ZNF407: variants seen among roughly 807,000 people sequenced by gnomAD.
ZNF407 encodes zinc finger protein 407.
Under a neutral mutation model 131.2 loss-of-function variants are expected in ZNF407, and 17 were observed. That is an observed-to-expected ratio of 0.13 (90% CI 0.09 to 0.19). ZNF407 has a LOEUF of 0.19. Ranked by LOEUF, ZNF407 falls within the 10% of genes least tolerant of loss-of-function variation. ZNF407 has a pLI of 1.00. For synonymous variants in ZNF407, 1,156 were observed against 1,062.0 expected (o/e 1.09, Z -1.72); for missense variants, 2,681 against 2,830.6 (o/e 0.95, Z 1.20).
intron 8 of ZNF407, among the ~76,000 whole-genome samples, chr18:75,000,222 G>A (rs769549293): frequency 2.0e-5 from 3 of 152,192 alleles, no homozygotes; most frequent in Admixed American, 6.5e-5. Flanking sequence ...TTTACTGGAT[G>A]CTCATTTGTA....
intron 4 of ZNF407, among the ~76,000 whole-genome samples, chr18:74,788,733 G>C (rs967637462): frequency 6.7e-6 from 1 of 149,752 alleles, no homozygotes; most frequent in African/African-American, 2.4e-5. Flanking sequence ...GTTTCTTATT[G>C]CTTCTAAGAT....
At chr18:74,650,271 T>G (rs1196654526) in intron 3 of ZNF407, among the ~76,000 whole-genome samples, 1 of 152,206 alleles carries the variant, frequency 6.6e-6, no homozygotes, top group Non-Finnish European at 1.5e-5. Context: ...TTTCAGCTAG[T>G]ATCTGATGGA....
At chr18:74,950,517 A>C (rs879305664) in intron 8 of ZNF407, among the ~76,000 whole-genome samples, 4 of 152,192 alleles carry the variant, frequency 2.6e-5, no homozygotes, top group Non-Finnish European at 2.9e-5. Context: ...TGAGGTAGAA[A>C]GAAAGTGTTG....
intron 7 of ZNF407, 79 bp downstream of exon 7, chr18:74,890,117 T>G: frequency 7.4e-7 from 1 of 1,342,348 alleles, no homozygotes; most frequent in South Asian, 2.2e-5. Context: ...CAATTAGAAG[T>G]GTAGTTTTTC....
chr18:74,720,927 C>CTTTTTTTT (rs34746909), intron 3 of ZNF407, among the ~76,000 whole-genome samples: 1 of 143,612 alleles, frequency 7.0e-6, no homozygotes. Context: ...ATACCTTCAG[C>CTTTTTTTT]TTTTTTTTTT....
At chr18:75,050,330 AAAC>A (rs1430464021) in intron 8 of ZNF407, among the ~76,000 whole-genome samples, 1 of 152,230 alleles carries the variant, frequency 6.6e-6, no homozygotes, top group Non-Finnish European at 1.5e-5. Context: ...TTGATTAAGA[AAAC>A]AAGATTTAAT....
At chr18:74,803,210 A>G (rs1263242279) in intron 4 of ZNF407, among the ~76,000 whole-genome samples, 1 of 152,178 alleles carries the variant, frequency 6.6e-6, no homozygotes, top group Admixed American at 6.5e-5. Flanking sequence ...AACTGGAGTG[A>G]GGGGAAGACC....
intron 1 of ZNF407, among the ~76,000 whole-genome samples, chr18:74,600,197 G>A (rs1982520494): frequency 6.6e-6 from 1 of 152,204 alleles, no homozygotes; most frequent in Middle Eastern, 3.2e-3. Context: ...AAGCAGAAAA[G>A]GAATTTATTG....
chr18:74,751,061 A>T (rs1394827860), intron 3 of ZNF407, among the ~76,000 whole-genome samples: 1 of 151,942 alleles, frequency 6.6e-6, no homozygotes, highest in Non-Finnish European at 1.5e-5. Context: ...TGAAATTTTT[A>T]TTCTGGATAT....
chr18:74,813,663 A>G (rs926759350), intron 4 of ZNF407, among the ~76,000 whole-genome samples: 5 of 152,024 alleles, frequency 3.3e-5, no homozygotes, highest in Admixed American at 1.3e-4. Flanking sequence ...ACCAAGTAAC[A>G]TGGGGGAGGA....
chr18:74,602,466 A>T (rs1009125402), intron 1 of ZNF407, among the ~76,000 whole-genome samples: 4 of 152,214 alleles, frequency 2.6e-5, no homozygotes, highest in African/African-American at 9.6e-5. Context: ...AGTATTAAGT[A>T]CTTAGGGACA....
intron 8 of ZNF407, among the ~76,000 whole-genome samples, chr18:75,022,217 A>G (rs373149637): frequency 2.0e-5 from 3 of 152,192 alleles, no homozygotes; most frequent in African/African-American, 7.2e-5. Flanking sequence ...GCTGCAGGTA[A>G]TGGTGCTCAT....
intron 8 of ZNF407, among the ~76,000 whole-genome samples, chr18:75,002,965 G>T (rs1972865908): frequency 6.6e-6 from 1 of 152,116 alleles, no homozygotes; most frequent in South Asian, 2.1e-4. Context: ...GGAAATTCAG[G>T]TTTGCCATCT....
At chr18:74,793,263 A>G (rs1392609560) in intron 4 of ZNF407, among the ~76,000 whole-genome samples, 1 of 152,256 alleles carries the variant, frequency 6.6e-6, no homozygotes, top group African/African-American at 2.4e-5. Flanking sequence ...TTTGGATATA[A>G]TCATTGTTAG....
At chr18:74,900,054 T>C (rs1025116129) in intron 7 of ZNF407, among the ~76,000 whole-genome samples, 7 of 152,206 alleles carry the variant, frequency 4.6e-5, no homozygotes, top group African/African-American at 1.7e-4. Context: ...CTTTCTGAAA[T>C]GTACTTTAAT....
intron 4 of ZNF407, among the ~76,000 whole-genome samples, chr18:74,852,161 T>A (rs1229078377): frequency 6.0e-5 from 7 of 115,814 alleles, no homozygotes; most frequent in Non-Finnish European, 1.2e-4. Flanking sequence ...CATGGATGCA[T>A]GCTACACACA....
rs1406387296 is a variant in ZNF407 at position 74,755,581 on chromosome 18, GGTTTTTTT to G, written c.4803-25846_4803-25839del. On this transcript the variant is annotated intron_variant, in intron 3 of 8. Coordinates refer to ENST00000299687, the MANE Select transcript of ZNF407 (RefSeq NM_017757.3). Reference sequence around the variant, plus strand: ...CTTCCTTCCTTCCTTCCTCCTTTCTGGTTTTTTTTTTTTTTTTTTTTTTCTGAGACCGA... The same window carrying G: ...CTTCCTTCCTTCCTTCCTCCTTTCTGTTTTTTTTTTTTTTTCTGAGACCGA... 3.9e-3 allele frequency among the ~76,000 whole-genome samples: 122 copies of G among 30,976 alleles called. 2 individuals are homozygous for G. In the East Asian group the frequency reaches 0.071, roughly 18 times the overall value. The allele number at this position is 30,976 out of a possible 152,430, so 20.3% of individuals were successfully genotyped here.
intron 4 of ZNF407, among the ~76,000 whole-genome samples, chr18:74,852,775 C>G (rs1350662676): frequency 2.0e-5 from 3 of 152,114 alleles, no homozygotes; most frequent in African/African-American, 7.2e-5. Context: ...AGTTGTAAGT[C>G]ATAACCGAGG....
intron 8 of ZNF407, among the ~76,000 whole-genome samples, chr18:74,921,242 T>TTCTTGCC (rs908790143): frequency 6.6e-6 from 1 of 152,160 alleles, no homozygotes; most frequent in African/African-American, 2.4e-5. Context: ...GCTAAGAGGA[T>TTCTTGCC]TCTTGCCTCT....
Sources: gnomAD v4.1 joint callset for allele counts (sites outside exome capture counted in the v4.1 genomes callset) on GRCh38, gnomAD v4.1.1 for gene constraint, MANE v1.5 for transcripts, NCBI Gene and HGNC (gene_info 2026-07-23, HGNC 2026-07-21) for gene names.